GALNT14: variants seen among roughly 807,000 people sequenced by gnomAD.
GALNT14 encodes the protein UDP-GalNAc:polypeptide N-acetylgalactosaminyltransferase 14.
Under a neutral mutation model 77.5 loss-of-function variants are expected in GALNT14, and 60 were observed. The ratio of observed to expected loss-of-function variants is 0.77; its 90% CI spans 0.63 to 0.96. The LOEUF is 0.96. GALNT14 is among the 40% of genes least tolerant of loss of function. GALNT14 has a pLI of 0.00. For missense variants in GALNT14, 710 were observed against 731.0 expected, an observed-to-expected ratio of 0.97 and a Z score of 0.33; for synonymous variants, 280 against 281.7, an observed-to-expected ratio of 0.99 and a Z score of 0.06.
chr2:31,081,736 C>A (rs1676166973), intron 1 of GALNT14, among the ~76,000 whole-genome samples: 1 of 152,116 alleles, frequency 6.6e-6, no homozygotes, highest in African/African-American at 2.4e-5. Flanking sequence ...TGGTATGTAA[C>A]TTCTAAAAAT....
chr2:31,071,835 A>G (rs7565689), intron 1 of GALNT14, among the ~76,000 whole-genome samples: 1 of 151,988 alleles, frequency 6.6e-6, no homozygotes, highest in Non-Finnish European at 1.5e-5. Flanking sequence ...AAAATGCAGG[A>G]TTCTTGCTCA....
chr2:30,998,499 T>G (rs1040365283), intron 1 of GALNT14, among the ~76,000 whole-genome samples: 1 of 152,218 alleles, frequency 6.6e-6, no homozygotes, highest in Non-Finnish European at 1.5e-5. Flanking sequence ...AATGAGAAAC[T>G]CTTTATCCCT....
intron 13 of GALNT14, among the ~76,000 whole-genome samples, chr2:30,914,975 GA>G (rs1465270614): frequency 1.3e-5 from 2 of 152,196 alleles, no homozygotes; most frequent in African/African-American, 4.8e-5. Context: ...ACAAGGGAAA[GA>G]CTAAGTTCAT....
At chr2:31,018,002 G>A (rs1024597494) in intron 1 of GALNT14, among the ~76,000 whole-genome samples, 2 of 152,210 alleles carry the variant, frequency 1.3e-5, no homozygotes, top group African/African-American at 4.8e-5. Context: ...CTTGGGGGCT[G>A]TACTCCACTC....
At chr2:31,006,191 T>G (rs530418428) in intron 1 of GALNT14, among the ~76,000 whole-genome samples, 1 of 152,190 alleles carries the variant, frequency 6.6e-6, no homozygotes, top group Non-Finnish European at 1.5e-5. Flanking sequence ...GGTTTGCAGC[T>G]TCCTCAAATC....
intron 1 of GALNT14, among the ~76,000 whole-genome samples, chr2:31,002,403 C>T (rs1258032523): frequency 1.3e-5 from 2 of 151,678 alleles, no homozygotes; most frequent in African/African-American, 4.8e-5. Flanking sequence ...GCGCTCCAAC[C>T]TGGGTGACAG....
chr2:30,936,637 T>C (rs1666072914), intron 9 of GALNT14, among the ~76,000 whole-genome samples: 2 of 152,278 alleles, frequency 1.3e-5, no homozygotes, highest in South Asian at 4.1e-4. Flanking sequence ...ATTTTTAAGT[T>C]CCCAACATCT....
At chr2:31,047,548 A>G (rs1673542722) in intron 1 of GALNT14, among the ~76,000 whole-genome samples, 1 of 152,184 alleles carries the variant, frequency 6.6e-6, no homozygotes. Context: ...GATGGACACT[A>G]CAAGCAACAT....
intron 1 of GALNT14, among the ~76,000 whole-genome samples, chr2:31,061,044 T>C (rs1386283225): frequency 6.6e-6 from 1 of 152,194 alleles, no homozygotes; most frequent in East Asian, 1.9e-4. Flanking sequence ...GTTTCTCTTC[T>C]GCCATTCAAG....
At chr2:30,976,477 G>A (rs969032280) in intron 2 of GALNT14, among the ~76,000 whole-genome samples, 1 of 152,172 alleles carries the variant, frequency 6.6e-6, no homozygotes, top group Non-Finnish European at 1.5e-5. Flanking sequence ...TGGGGGAAGT[G>A]GCAGCTTCTG....
intron 2 of GALNT14, among the ~76,000 whole-genome samples, chr2:30,990,483 A>G (rs1399617278): frequency 1.4e-5 from 1 of 72,986 alleles, no homozygotes; most frequent in Non-Finnish European, 2.6e-5. Context: ...TGGAAGTGTG[A>G]GATGAGATCC....
intron 1 of GALNT14, among the ~76,000 whole-genome samples, chr2:31,035,625 A>ACG (rs1672691650): frequency 7.1e-6 from 1 of 140,382 alleles, no homozygotes; most frequent in African/African-American, 2.6e-5. Context: ...ACCTACACAC[A>ACG]CACACACACA....
chr2:31,106,910 C>A (rs151038887), intron 1 of GALNT14, among the ~76,000 whole-genome samples: 6 of 152,156 alleles, frequency 3.9e-5, no homozygotes, highest in African/African-American at 1.4e-4. Flanking sequence ...GGTAGACTTT[C>A]ATTACTGAAG....
At chr2:30,965,496 G>A (rs1050473415) in intron 3 of GALNT14, among the ~76,000 whole-genome samples, 1 of 152,116 alleles carries the variant, frequency 6.6e-6, no homozygotes, top group Admixed American at 6.5e-5. Flanking sequence ...AGTCTTTGGA[G>A]AATCTGGGGG....
chr2:31,077,765 C>A (rs963200221), intron 1 of GALNT14, among the ~76,000 whole-genome samples: 10 of 152,230 alleles, frequency 6.6e-5, no homozygotes, highest in African/African-American at 2.2e-4. Flanking sequence ...TCACTCAATT[C>A]TATCACCTTT....
chr2:30,906,870 C>T (rs1252871653), downstream of GALNT14, among the ~76,000 whole-genome samples: 1 of 152,214 alleles, frequency 6.6e-6, no homozygotes, highest in East Asian at 1.9e-4. Context: ...TCTCAGACCA[C>T]AGTGCAATCA....
intron 1 of GALNT14, among the ~76,000 whole-genome samples, chr2:31,092,933 C>A (rs1676825034): frequency 6.6e-6 from 1 of 152,138 alleles, no homozygotes; most frequent in South Asian, 2.1e-4. Context: ...TTTGCAAAGA[C>A]CTCCTTAACT....
chr2:30,912,157 C>G lies in GALNT14; in HGVS notation c.1500+66G>C, dbSNP rs1011536570. ...TTTCTCTCTTTTCCTGCTCATCAGACTAAGCCCTCAACAGGCAGTCACATT... is the reference window on the plus strand; with the variant it reads ...TTTCTCTCTTTTCCTGCTCATCAGAGTAAGCCCTCAACAGGCAGTCACATT... On this transcript the variant is annotated intron_variant, in intron 14 of 14. Coordinates refer to ENST00000349752, the MANE Select transcript of GALNT14 (RefSeq NM_024572.4). The G allele has an allele frequency of 7.2e-5, 115 of 1,589,484 alleles. 1 individual carries two copies. Among genetic ancestry groups the G allele is most frequent in the Non-Finnish European group, 9.1e-5 (106 of 1,164,050 alleles).
chr2:30,944,926 G>T lies in GALNT14; in HGVS notation c.759C>A (p.Leu253=). 1 of 1,610,226 alleles carries T rather than the reference G, an allele frequency of 6.2e-7. No homozygotes were observed. Residue 253 remains leucine (L), a synonymous_variant, in exon 8 of 15, where the codon CTC becomes CTA. Transcript: ENST00000349752. ...SELRGGFDWS[L]HFQWEQLSPE... ...GGGAGAGCTGCTCCCACTGGAAGTG[G>T]AGGCTCCAGTCAAACCCTACAACAC...
Sources: allele counts gnomAD v4.1 joint callset (sites outside exome capture counted in the v4.1 genomes callset), GRCh38; gene constraint gnomAD v4.1.1; transcripts MANE v1.5; gene names NCBI Gene and HGNC (gene_info 2026-07-23, HGNC 2026-07-21).